The following PVT1 variants were observed in gnomAD, a reference collection of about 807,000 sequenced individuals.
PVT1 encodes the protein CXCR4/PVT1 fusion.
intron 5 of PVT1, among the ~76,000 whole-genome samples, chr8:128,074,924 A>G (rs988834561): frequency 1.3e-5 from 2 of 152,238 alleles, no homozygotes; most frequent in African/African-American, 2.4e-5. Context: ...GGAGTAAACC[A>G]TATGTACTGA....
intron 2 of PVT1, among the ~76,000 whole-genome samples, chr8:127,865,371 G>A (rs1403555417): frequency 6.6e-6 from 1 of 152,150 alleles, no homozygotes; most frequent in Admixed American, 6.5e-5. Flanking sequence ...TCTGGAACAT[G>A]GGGATGTCAT....
chr8:127,802,036 C>T (rs1814470933), intron 2 of PVT1, among the ~76,000 whole-genome samples: 1 of 152,056 alleles, frequency 6.6e-6, no homozygotes, highest in Non-Finnish European at 1.5e-5. Flanking sequence ...CTGCCTCAGC[C>T]TCCCAAGTAG....
chr8:128,047,560 A>C (rs1300464352), intron 4 of PVT1, among the ~76,000 whole-genome samples: 3 of 152,250 alleles, frequency 2.0e-5, no homozygotes, highest in African/African-American at 7.2e-5. Context: ...TGCAGTGAAG[A>C]GCACAGGAAA....
chr8:127,858,885 G>A (rs765386018), intron 2 of PVT1, among the ~76,000 whole-genome samples: 2 of 118,068 alleles, frequency 1.7e-5, no homozygotes, highest in Non-Finnish European at 3.2e-5. Context: ...ATAGCTCATT[G>A]TAACCTTGAG....
At chr8:127,900,884 A>G (rs919552818) in intron 3 of PVT1, among the ~76,000 whole-genome samples, 10 of 152,182 alleles carry the variant, frequency 6.6e-5, no homozygotes, top group Admixed American at 2.0e-4. Context: ...TCACCACTAT[A>G]TACCTCTGCC....
intron 2 of PVT1, among the ~76,000 whole-genome samples, chr8:127,869,624 G>T (rs1191716358): frequency 6.6e-6 from 1 of 152,062 alleles, no homozygotes; most frequent in African/African-American, 2.4e-5. Flanking sequence ...TTAAGGGCCT[G>T]GTTGTTTCTA....
At chr8:128,043,286 C>A (rs1172926997) in intron 4 of PVT1, among the ~76,000 whole-genome samples, 1 of 152,198 alleles carries the variant, frequency 6.6e-6, no homozygotes, top group Non-Finnish European at 1.5e-5. Context: ...TGGGTTAGAT[C>A]TGTAGCTGGA....
intron 5 of PVT1, among the ~76,000 whole-genome samples, chr8:128,074,240 C>T (rs1024540004): frequency 6.6e-6 from 1 of 152,186 alleles, no homozygotes; most frequent in Non-Finnish European, 1.5e-5. Flanking sequence ...GGCACAGTGG[C>T]TCACGCCTGT....
chr8:127,816,329 G>A (rs1814658906), intron 2 of PVT1, among the ~76,000 whole-genome samples: 1 of 151,574 alleles, frequency 6.6e-6, no homozygotes, highest in Non-Finnish European at 1.5e-5. Context: ...TTTTCTTTTT[G>A]TTGAGATAGG....
chr8:128,075,621 A>G (rs868680547), intron 5 of PVT1, among the ~76,000 whole-genome samples: 1 of 152,244 alleles, frequency 6.6e-6, no homozygotes, highest in Non-Finnish European at 1.5e-5. Context: ...ATTCCTGCAG[A>G]CCATTCTAAT....
intron 4 of PVT1, among the ~76,000 whole-genome samples, chr8:128,051,632 T>G (rs1813697157): frequency 6.6e-6 from 1 of 151,466 alleles, no homozygotes; most frequent in Non-Finnish European, 1.5e-5. Flanking sequence ...TTCTTTTTCA[T>G]TTTTTTTTCT....
chr8:127,891,668 G>A (rs1391886117), intron 3 of PVT1, among the ~76,000 whole-genome samples: 1 of 152,208 alleles, frequency 6.6e-6, no homozygotes, highest in Non-Finnish European at 1.5e-5. Flanking sequence ...GGGTGATGTT[G>A]GCTGGGGGTA....
At chr8:127,889,035 T>TTCCTTCCTTC (rs1815561979) in intron 2 of PVT1, among the ~76,000 whole-genome samples, 27 of 100,488 alleles carry the variant, frequency 2.7e-4, no homozygotes, top group African/African-American at 7.4e-4. Flanking sequence ...TTTCTCTCTT[T>TTCCTTCCTTC]CTTTCTTCCT....
intron 3 of PVT1, among the ~76,000 whole-genome samples, chr8:127,954,291 C>A (rs1020470697): frequency 7.2e-6 from 1 of 138,440 alleles, no homozygotes; most frequent in East Asian, 2.1e-4. Flanking sequence ...TCAACAAGTA[C>A]CCACTTTTTT....
At chr8:128,018,647 C>T (rs1817400538) in intron 4 of PVT1, among the ~76,000 whole-genome samples, 1 of 152,212 alleles carries the variant, frequency 6.6e-6, no homozygotes, top group Non-Finnish European at 1.5e-5. Flanking sequence ...AGAGCTTCAG[C>T]TCGTCTGTGA....
chr8:127,936,770 G>A (rs1816281172), intron 3 of PVT1, among the ~76,000 whole-genome samples: 1 of 152,132 alleles, frequency 6.6e-6, no homozygotes, highest in African/African-American at 2.4e-5. Context: ...AATGTAACTT[G>A]AGCAGGTCTT....
chr8:127,976,680 C>G lies in PVT1; in HGVS notation n.783-12482C>G, dbSNP rs556630890. Among the ~76,000 whole-genome samples the G allele has an allele frequency of 6.6e-5, 10 of 152,298 alleles. No homozygotes were observed. In the South Asian group the frequency reaches 1.2e-3, roughly 19 times the overall value. On this transcript the variant is annotated intron_variant and non_coding_transcript_variant, in intron 3 of 10. Coordinates refer to ENST00000651587, the Ensembl canonical transcript of PVT1. ...TGGCACAGGTCATGTTCAGTTCTGA[C>G]AGACACTTTGGGGGCTCTGTATCCT...
At chr8:127,834,328 C>A (rs1195973704) in intron 2 of PVT1, among the ~76,000 whole-genome samples, 1 of 152,052 alleles carries the variant, frequency 6.6e-6, no homozygotes, top group Non-Finnish European at 1.5e-5. Flanking sequence ...GGAAAGAATT[C>A]CCTATTTAAT....
intron 3 of PVT1, among the ~76,000 whole-genome samples, chr8:127,970,285 A>ATTTTTTT (rs1321419703): frequency 6.0e-4 from 16 of 26,824 alleles, no homozygotes; most frequent in South Asian, 2.0e-3. Context: ...ATCTGCCATG[A>ATTTTTTT]TTTGTTTTTT....
Sources: allele counts gnomAD v4.1 joint callset (sites outside exome capture counted in the v4.1 genomes callset), GRCh38; gene constraint gnomAD v4.1.1; transcripts MANE v1.5; gene names NCBI Gene and HGNC (gene_info 2026-07-23, HGNC 2026-07-21).